The following TMEM132C variants were observed in gnomAD, a reference collection of about 807,000 sequenced individuals.
TMEM132C encodes the protein transmembrane protein 132C, also known as protein phosphatase 1, regulatory subunit 152.
TMEM132C carries 29 observed loss-of-function variants against 61.4 expected under a neutral mutation model. The observed-to-expected ratio is 0.47, with a 90% CI of 0.35 to 0.64. TMEM132C has a LOEUF of 0.64. Among genes scored for constraint, TMEM132C ranks in the 30% least tolerant of loss-of-function variants. The probability of loss-of-function intolerance (pLI) is 0.00; values close to 1 mark genes in which losing one functional copy is unlikely to be tolerated. For missense variants in TMEM132C, 1,408 were observed against 1,476.9 expected, an observed-to-expected ratio of 0.95 and a Z score of 0.76; for synonymous variants, 656 against 633.1, an observed-to-expected ratio of 1.04 and a Z score of -0.54.
At chr12:128,698,903 C>A (rs1954784389) in intron 8 of TMEM132C, among the ~76,000 whole-genome samples, 1 of 152,178 alleles carries the variant, frequency 6.6e-6, no homozygotes, top group Non-Finnish European at 1.5e-5. Flanking sequence ...GATCCCCTGA[C>A]ATGCACTAGC....
In TMEM132C at chr12:128,415,548, T is replaced by C. The variant is rs981527667; in HGVS notation, c.902T>C (p.Val301Ala). 49 of 1,551,134 alleles carry C rather than the reference T, an allele frequency of 3.2e-5. No homozygotes were observed. Among genetic ancestry groups the C allele is most frequent in the Middle Eastern group, 1.7e-4 (1 of 6,016 alleles). The stretch of plus-strand genomic sequence containing the variant: ...GTCATCTGGCTGCCTTCCAGGCCAG[T>C]CAAGCAGGGAGAGGTGGTCACGGCC... The part of the protein sequence containing the change: ...NVVIWLPSRP[V>A]KQGEVVTAYV... Residue 301 changes from valine to alanine, a missense_variant, in exon 2 of 9, where the codon GTC (valine) becomes GCC (alanine). Physicochemically the swap from Val to Ala is moderately conservative, Grantham distance 64. Transcript: ENST00000435159. The surrounding 1 kb of genome is among the most constrained non-coding windows in gnomAD (Gnocchi z 5.8).
At position 128,362,774 on chromosome 12, in the gene TMEM132C, T is replaced by A. The variant is rs529118777; in HGVS notation, c.86-51958T>A. On this transcript the variant is annotated intron_variant, in intron 1 of 8. Coordinates refer to ENST00000435159, the MANE Select transcript of TMEM132C (RefSeq NM_001136103.3). ...TTTCAGGTTAGGAATGCTAAACCCA[T>A]AAAATGCAAAACAGTGCAGTGTTTT... Among the ~76,000 whole-genome samples, 3 of 152,298 alleles carry A rather than the reference T, an allele frequency of 2.0e-5. No homozygotes were observed. In the East Asian group the frequency reaches 5.8e-4, roughly 29 times the overall value.
At chr12:128,353,070 T>TC in intron 1 of TMEM132C, among the ~76,000 whole-genome samples, 1 of 152,168 alleles carries the variant, frequency 6.6e-6, no homozygotes. Flanking sequence ...AAAGATCTTC[T>TC]CTAGCACTCA....
At chr12:128,341,598 A>G (rs1347097002) in intron 1 of TMEM132C, among the ~76,000 whole-genome samples, 1 of 152,206 alleles carries the variant, frequency 6.6e-6, no homozygotes, top group Non-Finnish European at 1.5e-5. Context: ...TCTATACAAT[A>G]AACATAAATG....
chr12:128,418,532 T>G (rs549897092), intron 2 of TMEM132C, among the ~76,000 whole-genome samples: 1 of 152,366 alleles, frequency 6.6e-6, no homozygotes, highest in South Asian at 2.1e-4. Flanking sequence ...AAGGCGCTTC[T>G]TTAAACAAAT....
intron 2 of TMEM132C, among the ~76,000 whole-genome samples, chr12:128,454,909 G>T (rs1465621969): frequency 6.6e-6 from 1 of 152,244 alleles, no homozygotes; most frequent in Non-Finnish European, 1.5e-5. Flanking sequence ...GAAGAAGGCA[G>T]TTGATCCTGT....
chr12:128,600,242 A>C (rs1876134415), intron 3 of TMEM132C, among the ~76,000 whole-genome samples: 1 of 152,086 alleles, frequency 6.6e-6, no homozygotes, highest in Non-Finnish European at 1.5e-5. Context: ...TCGGCCTCCC[A>C]AAGTGCTGGT....
intron 2 of TMEM132C, among the ~76,000 whole-genome samples, chr12:128,480,903 A>G (rs1042331786): frequency 6.6e-6 from 1 of 152,176 alleles, no homozygotes; most frequent in African/African-American, 2.4e-5. Context: ...GGGCTTGTGA[A>G]TACATTTTCC....
chr12:128,413,310 A>AAAAAC (rs1383984184), intron 1 of TMEM132C, among the ~76,000 whole-genome samples: 12 of 150,830 alleles, frequency 8.0e-5, no homozygotes, highest in South Asian at 2.1e-4. Context: ...AAAAAAAAAA[A>AAAAAC]AAAAAAAAAA....
At chr12:128,607,076 G>T (rs1015751109) in intron 3 of TMEM132C, among the ~76,000 whole-genome samples, 2 of 152,184 alleles carry the variant, frequency 1.3e-5, no homozygotes, top group African/African-American at 4.8e-5. Flanking sequence ...GAGGCAGGAG[G>T]TGTAGGTGAG....
chr12:128,542,729 C>CA (rs71069580), intron 2 of TMEM132C, among the ~76,000 whole-genome samples: 65,320 of 151,562 alleles, frequency 0.43, 14,678 homozygotes, highest in Non-Finnish European at 0.5. Flanking sequence ...GGCGTGGTGG[C>CA]AGGTGCCTGT....
rs771004757 is a variant in TMEM132C, at chr12:128,415,359, G to C, written c.713G>C (p.Arg238Pro). The C allele has an allele frequency of 6.4e-7, 1 of 1,566,484 alleles. No individual in the cohort carries two copies. The highest frequency in any genetic ancestry group is 1.4e-5 in the African/African-American group (1 of 73,800). ...TACACCGTGCACCCAGGAAACGAGC[G>C]AGGGGACTGTGCCGGGGGTGACTTC... ...LYYTVHPGNERGDCAGGDFRK... is the reference protein window; with the variant it reads ...LYYTVHPGNEPGDCAGGDFRK... Residue 238 changes from arginine (R) to proline (P), a missense_variant, in exon 2 of 9, where the codon CGA (arginine) becomes CCA (proline). By Grantham distance (103) the Arg-to-Pro change is moderately radical. Transcript: ENST00000435159. This position sits in a 1 kb window ranked among gnomAD's most constrained non-coding sequence, Gnocchi z 5.8.
rs567715139 is a variant in TMEM132C at position 128,579,875 on chromosome 12, G to T, written c.1121+35772G>T. Among the ~76,000 whole-genome samples the T allele has an allele frequency of 6.7e-4, 102 of 152,314 alleles. 3 individuals are homozygous for T. In the South Asian group the frequency reaches 0.011, roughly 16 times the overall value. On this transcript the variant is annotated intron_variant, in intron 3 of 8. Transcript: ENST00000435159. ...TGAATCCAGAGAGAGATAAGAGTGG[G>T]CTGTATGTGGTCAAGAAGGCTCTTT...
chr12:128,629,658 CA>C (rs1954049274), intron 4 of TMEM132C, among the ~76,000 whole-genome samples: 1 of 152,092 alleles, frequency 6.6e-6, no homozygotes, highest in Admixed American at 6.6e-5. Context: ...CTGTAGTCGA[CA>C]ACACTGAATT....
chr12:128,499,225 A>T (rs1872073012), intron 2 of TMEM132C, among the ~76,000 whole-genome samples: 1 of 152,162 alleles, frequency 6.6e-6, no homozygotes, highest in Non-Finnish European at 1.5e-5. Context: ...ATAAACACCA[A>T]GTAATGGTCA....
At chr12:128,462,324 C>T (rs1194350351) in intron 2 of TMEM132C, among the ~76,000 whole-genome samples, 1 of 152,164 alleles carries the variant, frequency 6.6e-6, no homozygotes, top group African/African-American at 2.4e-5. Context: ...TCAAGCTGGT[C>T]TCAAACTCCC....
chr12:128,293,975 C>A (rs775655715), intron 1 of TMEM132C: 1 of 154,338 alleles, frequency 6.5e-6, no homozygotes, highest in Non-Finnish European at 1.5e-5. Context: ...TCATTTGGTG[C>A]AGAATATTTC....
intron 2 of TMEM132C, among the ~76,000 whole-genome samples, chr12:128,432,781 G>A (rs1388213002): frequency 1.3e-5 from 2 of 152,150 alleles, no homozygotes; most frequent in African/African-American, 2.4e-5. Context: ...TTTTGAGAGG[G>A]TTAACTCCAA....
intron 1 of TMEM132C, among the ~76,000 whole-genome samples, chr12:128,353,467 G>A (rs1164887848): frequency 1.3e-5 from 2 of 152,162 alleles, no homozygotes; most frequent in Admixed American, 6.5e-5. Context: ...GAAATGCAGT[G>A]GCAGCATTCA....
Sources: allele counts gnomAD v4.1 joint callset (sites outside exome capture counted in the v4.1 genomes callset), GRCh38; gene constraint gnomAD v4.1.1; non-coding constraint Gnocchi (gnomAD v3.1); transcripts MANE v1.5; gene names NCBI Gene and HGNC (gene_info 2026-07-23, HGNC 2026-07-21).